The following LNX1 variants were observed in gnomAD, a reference collection of about 807,000 sequenced individuals.
LNX1 encodes the protein ligand of numb-protein X 1.
LNX1 carries 54 observed loss-of-function variants against 68.4 expected under a neutral mutation model. That is an observed-to-expected ratio of 0.79 (90% CI 0.63 to 0.99). The LOEUF (loss-of-function observed/expected upper bound fraction) is 0.99, where lower values mean the gene tolerates loss of function less well. LNX1 is among the 50% of genes least tolerant of loss of function. The pLI, the probability that LNX1 is intolerant of heterozygous loss-of-function variation, is 0.00. For synonymous variants in LNX1, 336 were observed against 350.0 expected, an observed-to-expected ratio of 0.96 and a Z score of 0.45; for missense variants, 906 against 926.4, an observed-to-expected ratio of 0.98 and a Z score of 0.29.
chr4:53,613,849 G>C (rs900070088), intron 2 of LNX1, among the ~76,000 whole-genome samples: 1 of 152,108 alleles, frequency 6.6e-6, no homozygotes, highest in African/African-American at 2.4e-5. Flanking sequence ...GGGTTTAATG[G>C]TATTTCTGTC....
intron 2 of LNX1, among the ~76,000 whole-genome samples, chr4:53,530,391 T>A (rs1380545166): frequency 6.6e-6 from 1 of 152,160 alleles, no homozygotes; most frequent in Admixed American, 6.5e-5. Flanking sequence ...TATGGGAAAT[T>A]AAACATAAGA....
chr4:53,472,612 G>T (rs1248505552), intron 9 of LNX1, among the ~76,000 whole-genome samples: 1 of 144,518 alleles, frequency 6.9e-6, no homozygotes, highest in African/African-American at 2.6e-5. Context: ...TTTGAAAAAG[G>T]TACAAATTTT....
chr4:53,518,103 T>A lies in LNX1; in HGVS notation c.381-9876A>T, dbSNP rs76067669. 3.3e-3 allele frequency among the ~76,000 whole-genome samples: 498 copies of A among 152,288 alleles called. 1 individual carries two copies. The highest frequency in any genetic ancestry group is 0.012 in the African/African-American group (481 of 41,554). ...ATTCAAAACAAGCTGGAAAGTCATG[T>A]GAAAATGCAGGCCACCATCATGGGC... On this transcript the variant is annotated intron_variant, in intron 2 of 10. Coordinates refer to ENST00000263925, the MANE Select transcript of LNX1 (RefSeq NM_001126328.3).
At chr4:53,463,124 A>G (rs1362734552) in intron 9 of LNX1, among the ~76,000 whole-genome samples, 1 of 152,182 alleles carries the variant, frequency 6.6e-6, no homozygotes, top group Non-Finnish European at 1.5e-5. Context: ...GTATACTTTT[A>G]CTGAATATTT....
At chr4:53,477,559 T>A (rs1189310245) in intron 8 of LNX1, among the ~76,000 whole-genome samples, 4 of 152,182 alleles carry the variant, frequency 2.6e-5, no homozygotes, top group Non-Finnish European at 4.4e-5. Context: ...TCCATATAGA[T>A]CATATAATCC....
intron 2 of LNX1, among the ~76,000 whole-genome samples, chr4:53,561,958 G>C (rs2109740648): frequency 6.6e-6 from 1 of 152,150 alleles, no homozygotes; most frequent in East Asian, 1.9e-4. Context: ...AGAAAGTAAA[G>C]GGCAAAGTGA....
intron 6 of LNX1, among the ~76,000 whole-genome samples, chr4:53,492,506 T>TGAGAGAGAGA (rs58715153): frequency 0.22 from 19,340 of 88,722 alleles, 3,231 homozygotes; most frequent in Non-Finnish European, 0.27. Context: ...CAGAGGGCTC[T>TGAGAGAGAGA]GAGAGAGAGA....
At chr4:53,600,062 C>T (rs371097326) in intron 2 of LNX1, among the ~76,000 whole-genome samples, 1 of 152,126 alleles carries the variant, frequency 6.6e-6, no homozygotes, top group Non-Finnish European at 1.5e-5. Context: ...CTCCCCAATA[C>T]CATATGCTTT....
intron 2 of LNX1, among the ~76,000 whole-genome samples, chr4:53,541,478 A>AT (rs79588563): frequency 0.092 from 13,890 of 151,306 alleles, 610 homozygotes; most frequent in Non-Finnish European, 0.1. Flanking sequence ...TTTCATATAT[A>AT]TTTTTTTTCT....
intron 1 of LNX1, among the ~76,000 whole-genome samples, chr4:53,588,187 A>T (rs534430199): frequency 1.1e-4 from 16 of 152,192 alleles, no homozygotes; most frequent in Non-Finnish European, 1.6e-4. Context: ...GAAGTATTTC[A>T]TTTCCCAGCT....
chr4:53,630,052 G>C (rs1371683327), intron 1 of LNX1, among the ~76,000 whole-genome samples: 5 of 151,788 alleles, frequency 3.3e-5, no homozygotes, highest in Non-Finnish European at 7.4e-5. Context: ...TTGAAAACAT[G>C]AGTATTTTCC....
intron 7 of LNX1, among the ~76,000 whole-genome samples, chr4:53,479,603 AGAG>A (rs1292168603): frequency 6.6e-6 from 1 of 150,722 alleles, no homozygotes; most frequent in Non-Finnish European, 1.5e-5. Context: ...CTTTGGCTGG[AGAG>A]GAGGAGAGTT....
At chr4:53,499,196 G>T (rs1174864096) in intron 4 of LNX1, among the ~76,000 whole-genome samples, 1 of 151,982 alleles carries the variant, frequency 6.6e-6, no homozygotes, top group African/African-American at 2.4e-5. Context: ...TTGAGACAGG[G>T]TCTTACTCTG....
chr4:53,564,792 C>A (rs553471654), intron 2 of LNX1, among the ~76,000 whole-genome samples: 2 of 152,170 alleles, frequency 1.3e-5, no homozygotes, highest in African/African-American at 4.8e-5. Flanking sequence ...TGCGCGCACC[C>A]TGCGCCAGCC....
intron 2 of LNX1, among the ~76,000 whole-genome samples, chr4:53,609,814 A>C (rs1369802020): frequency 6.9e-6 from 1 of 145,486 alleles, no homozygotes; most frequent in Admixed American, 7.0e-5. Context: ...AAATAACATC[A>C]ATATAAAATT....
chr4:53,620,628 T>C (rs1965112), upstream of LNX1, among the ~76,000 whole-genome samples: 25,575 of 152,116 alleles, frequency 0.17, 2,472 homozygotes, highest in South Asian at 0.39. Flanking sequence ...ATGGATGCAC[T>C]GAAGTCCCGG....
intron 2 of LNX1, among the ~76,000 whole-genome samples, chr4:53,512,449 C>T (rs1314154442): frequency 6.6e-6 from 1 of 150,930 alleles, no homozygotes; most frequent in East Asian, 2.0e-4. Context: ...CAACACTACC[C>T]TTTCCTCTTT....
chr4:53,524,020 T>A (rs1727435194), intron 2 of LNX1, among the ~76,000 whole-genome samples: 1 of 152,228 alleles, frequency 6.6e-6, no homozygotes, highest in Admixed American at 6.5e-5. Context: ...ATCAATTTGA[T>A]GACATAAAAC....
intron 2 of LNX1, among the ~76,000 whole-genome samples, chr4:53,559,812 T>TAA (rs35388102): frequency 0.03 from 4,031 of 133,020 alleles, 90 homozygotes; most frequent in African/African-American, 0.059. Flanking sequence ...CATGCCTGGC[T>TAA]AAAAAAAAAA....
Sources: gnomAD v4.1 joint callset for allele counts (sites outside exome capture counted in the v4.1 genomes callset) on GRCh38, gnomAD v4.1.1 for gene constraint, MANE v1.5 for transcripts, NCBI Gene and HGNC (gene_info 2026-07-23, HGNC 2026-07-21) for gene names.